ZEB1: variants seen among roughly 807,000 people sequenced by gnomAD.
ZEB1 encodes the protein zinc finger E-box binding homeobox 1.
In ZEB1, 21 loss-of-function variants were observed where a neutral mutation model predicts 84.9. That is an observed-to-expected ratio of 0.25 (90% CI 0.18 to 0.36). ZEB1 has a LOEUF of 0.36. Among genes scored for constraint, ZEB1 ranks in the 10% least tolerant of loss-of-function variants. ZEB1 has a pLI of 1.00. For missense variants in ZEB1, 1,104 were observed against 1,330.2 expected, an observed-to-expected ratio of 0.83 and a Z score of 2.65; for synonymous variants, 420 against 471.1, an observed-to-expected ratio of 0.89 and a Z score of 1.41.
chr10:31,486,365 C>A (rs142197172), intron 2 of ZEB1, among the ~76,000 whole-genome samples: 3 of 151,854 alleles, frequency 2.0e-5, no homozygotes, highest in Admixed American at 1.3e-4. Context: ...GATCCACTTT[C>A]TCTACATGGC....
intron 1 of ZEB1, among the ~76,000 whole-genome samples, chr10:31,457,727 G>T (rs2137306359): frequency 6.6e-6 from 1 of 152,154 alleles, no homozygotes; most frequent in Non-Finnish European, 1.5e-5. Flanking sequence ...GTTGACTTGG[G>T]CAGAATAGAA....
chr10:31,493,126 T>C (rs952717802), intron 2 of ZEB1, among the ~76,000 whole-genome samples: 2 of 151,938 alleles, frequency 1.3e-5, no homozygotes, highest in African/African-American at 4.8e-5. Flanking sequence ...TCCCTCTACC[T>C]TGCCGCATTC....
rs2073817536 is a variant in ZEB1 at position 31,528,380 on chromosome 10, A to C, written c.*1116A>C. On this transcript the variant is annotated 3_prime_UTR_variant, in exon 9 of 9. Transcript: ENST00000424869. The stretch of plus-strand genomic sequence containing the variant: ...TACAGAAACGAAAGGGAAATTTTCT[A>C]ATCTGCTTTATCCATGTACTTGCAT... 1 of 152,184 alleles carries C rather than the reference A, an allele frequency of 6.6e-6. No individual in the cohort carries two copies. The highest frequency in any genetic ancestry group is 6.5e-5 in the Admixed American group (1 of 15,272). The allele number at this position is 152,184 out of a possible 1,614,324, so 9.4% of individuals were successfully genotyped here.
In ZEB1 at chr10:31,502,482, C is replaced by T; in HGVS notation, c.457C>T (p.Pro153Ser). The change falls in exon 4 of 9, where the codon CCA (proline) becomes TCA (serine). Residue 153 changes from proline (P) to serine (S), a missense_variant. Pro to Ser is a moderately conservative substitution (Grantham distance 74). Transcript: ENST00000424869. The stretch of plus-strand genomic sequence containing the variant: ...TGAAGAGGACCAGAGGCAGGGCACA[C>T]CAGAAGCCAGTGGTCATGATGAAAA... ...APEEDQRQGT[P>S]EASGHDENGT... The T allele has an allele frequency of 6.2e-7, 1 of 1,613,846 alleles. No individual in the cohort carries two copies. The highest frequency in any genetic ancestry group is 8.5e-7 in the Non-Finnish European group (1 of 1,179,796).
At chr10:31,460,207 T>C (rs2137417011) in intron 1 of ZEB1, among the ~76,000 whole-genome samples, 2 of 152,164 alleles carry the variant, frequency 1.3e-5, no homozygotes, top group South Asian at 4.1e-4. Flanking sequence ...TATTCTCAGC[T>C]TATACTCCTG....
At position 31,410,486 on chromosome 10, in the gene ZEB1, C is replaced by G. The variant is rs113798120; in HGVS notation, c.59-50551C>G. Among the ~76,000 whole-genome samples, 145 of 152,182 alleles carry G rather than the reference C, an allele frequency of 9.5e-4. 3 individuals are homozygous for G. The highest frequency in any genetic ancestry group is 3.3e-3 in the African/African-American group (136 of 41,532). ...TTCTCTTTTTTTGTTGTGTATCTAC[C>G]AGGTTTTGGTATCAGGATGATGCTG... On this transcript the variant is annotated intron_variant, in intron 1 of 8. Transcript: ENST00000424869.
intron 6 of ZEB1, among the ~76,000 whole-genome samples, chr10:31,519,412 C>T (rs2071835594): frequency 6.6e-6 from 1 of 152,106 alleles, no homozygotes; most frequent in Non-Finnish European, 1.5e-5. Context: ...TTTGACAGTG[C>T]GTGGCTTTTC....
At position 31,510,723 on chromosome 10, in the gene ZEB1, G is replaced by C; in HGVS notation, c.535G>C (p.Gly179Arg). 1 of 1,613,854 alleles carries C rather than the reference G, an allele frequency of 6.2e-7. No homozygotes were observed. The highest frequency in any genetic ancestry group is 8.5e-7 in the Non-Finnish European group (1 of 1,179,866). Reference sequence around the variant, plus strand: ...ACTCACCTGTCCATATTGTGATAGAGGCTATAAACGCTTTACCTCTCTGAA... The same window carrying C: ...ACTCACCTGTCCATATTGTGATAGACGCTATAAACGCTTTACCTCTCTGAA... ...QLLTCPYCDR[G>R]YKRFTSLKEH... is the part of the protein sequence containing the mutation. The change falls in exon 5 of 9, where the codon GGC becomes CGC. Residue 179 changes from glycine to arginine, a missense_variant. Around this residue, in one of 7 missense-constraint regions of ZEB1, gnomAD observed 71 missense variants for 119.1 expected, o/e 0.60. Transcript: ENST00000424869.
intron 1 of ZEB1, among the ~76,000 whole-genome samples, chr10:31,441,012 C>T (rs1246285541): frequency 6.6e-6 from 1 of 152,130 alleles, no homozygotes; most frequent in Non-Finnish European, 1.5e-5. Flanking sequence ...ATGCCATCCC[C>T]ATCAAGCTAC....
At chr10:31,386,511 T>C (rs1237119182) in intron 1 of ZEB1, among the ~76,000 whole-genome samples, 3 of 152,094 alleles carry the variant, frequency 2.0e-5, no homozygotes, top group Admixed American at 1.3e-4. Flanking sequence ...TTTTTTAAAA[T>C]GCTTTCTATG....
Position 31,521,550 on chromosome 10 carries a change from C to T in ZEB1, c.2218C>T (p.Leu740=). Residue 740 remains leucine, a synonymous_variant, in exon 7 of 9, where the codon CTA becomes TTA. Transcript: ENST00000424869. The stretch of plus-strand genomic sequence containing the variant: ...ACAAGTAGAACCTCTTGATCTTTCA[C>T]TACCAAAGCAACAGGGAGAATTATT... ...EPQVEPLDLS[L]PKQQGELLER... The T allele has an allele frequency of 6.2e-7, 1 of 1,614,108 alleles. No homozygotes were observed. Among genetic ancestry groups the T allele is most frequent in the Non-Finnish European group, 8.5e-7 (1 of 1,180,014 alleles).
Position 31,495,761 on chromosome 10 carries a change from C to A in ZEB1, c.260-15C>A, listed in dbSNP as rs766553273. On this transcript the variant is annotated splice_polypyrimidine_tract_variant and intron_variant, in intron 2 of 8. Transcript: ENST00000424869. Reference sequence around the variant, plus strand: ...GAACACTATAGATCTATTTTAATTTCTTCTTTGATTTCAGCAGGAAAGGAA... The same window carrying A: ...GAACACTATAGATCTATTTTAATTTATTCTTTGATTTCAGCAGGAAAGGAA... 6.2e-7 allele frequency: 1 copy of A among 1,612,374 alleles called. No homozygotes were observed. Among genetic ancestry groups the A allele is most frequent in the East Asian group, 2.2e-5 (1 of 44,798 alleles).
rs1386193614 is a variant in ZEB1 at position 31,527,598 on chromosome 10, T to G, written c.*334T>G. The G allele has an allele frequency of 3.5e-6, 1 of 283,152 alleles. No individual in the cohort carries two copies. Among genetic ancestry groups the G allele is most frequent in the Admixed American group, 4.8e-5 (1 of 20,806 alleles). The allele number at this position is 283,152 out of a possible 1,614,324, so 17.5% of individuals were successfully genotyped here. ...ATACAAGAGGTTAAAGGAAGCTGATTAATTAGATATGCATCTGGCATTGTT... is the reference window on the plus strand; with the variant it reads ...ATACAAGAGGTTAAAGGAAGCTGATGAATTAGATATGCATCTGGCATTGTT... On this transcript the variant is annotated 3_prime_UTR_variant, in exon 9 of 9. Transcript: ENST00000424869.
chr10:31,347,728 A>G (rs1309185383), intron 1 of ZEB1, among the ~76,000 whole-genome samples: 2 of 152,152 alleles, frequency 1.3e-5, no homozygotes, highest in African/African-American at 4.8e-5. Flanking sequence ...ATTTTAAAAC[A>G]ATTTTTATCA....
chr10:31,477,976 C>G (rs1565046355), intron 2 of ZEB1, among the ~76,000 whole-genome samples: 1 of 151,628 alleles, frequency 6.6e-6, no homozygotes, highest in African/African-American at 2.4e-5. Flanking sequence ...ACTAAGACCC[C>G]AAAAGAAAAT....
intron 1 of ZEB1, among the ~76,000 whole-genome samples, chr10:31,403,976 A>G (rs896355456): frequency 6.6e-6 from 1 of 152,132 alleles, no homozygotes; most frequent in East Asian, 1.9e-4. Context: ...GGAAATTCAC[A>G]TAGTCTTTAA....
At chr10:31,410,612 C>T (rs573060133) in intron 1 of ZEB1, among the ~76,000 whole-genome samples, 1 of 152,242 alleles carries the variant, frequency 6.6e-6, no homozygotes, top group Non-Finnish European at 1.5e-5. Context: ...TGGTAGAATT[C>T]AGCTGTGAAT....
At chr10:31,474,303 C>T (rs1203806183) in intron 2 of ZEB1, among the ~76,000 whole-genome samples, 4 of 151,482 alleles carry the variant, frequency 2.6e-5, no homozygotes, top group Non-Finnish European at 4.4e-5. Flanking sequence ...ATTTTTGCAA[C>T]CTACTCATCT....
chr10:31,330,219 G>T (rs552156154), intron 1 of ZEB1, among the ~76,000 whole-genome samples: 11 of 152,188 alleles, frequency 7.2e-5, no homozygotes, highest in African/African-American at 1.7e-4. Flanking sequence ...CCAGAATTTG[G>T]CATAAGAATT....
Sources: allele counts gnomAD v4.1 joint callset (sites outside exome capture counted in the v4.1 genomes callset), GRCh38; gene constraint gnomAD v4.1.1; regional missense constraint gnomAD v4.1.1; transcripts MANE v1.5; gene names NCBI Gene and HGNC (gene_info 2026-07-23, HGNC 2026-07-21).